SHB: variants seen among roughly 807,000 people sequenced by gnomAD.
SHB encodes SH2 domain-containing adapter protein B.
In SHB, 20 loss-of-function variants were observed where a neutral mutation model predicts 52.3. The ratio of observed to expected loss-of-function variants is 0.38; its 90% CI spans 0.27 to 0.56. The LOEUF is 0.56. SHB is among the 20% of genes least tolerant of loss of function. The pLI is 0.71. For synonymous variants in SHB, 397 were observed against 316.5 expected (o/e 1.25, Z -2.70); for missense variants, 825 against 723.3 (o/e 1.14, Z -1.61).
intron 1 of SHB, among the ~76,000 whole-genome samples, chr9:38,057,683 C>T (rs745888591): frequency 1.3e-5 from 2 of 152,212 alleles, no homozygotes; most frequent in African/African-American, 2.4e-5. Context: ...GAGTGCACAT[C>T]CAACAAGATG....
intron 2 of SHB, among the ~76,000 whole-genome samples, chr9:37,994,889 C>T (rs1430959485): frequency 6.6e-6 from 1 of 152,044 alleles, no homozygotes; most frequent in African/African-American, 2.4e-5. Flanking sequence ...TTACATTCAC[C>T]CCTAAAAGGA....
intron 1 of SHB, among the ~76,000 whole-genome samples, chr9:38,026,356 A>C (rs1821344309): frequency 6.6e-6 from 1 of 152,268 alleles, no homozygotes. Flanking sequence ...GGGCCAGCAC[A>C]GTGCCTTTTA....
intron 2 of SHB, among the ~76,000 whole-genome samples, chr9:37,994,434 C>T (rs1181198964): frequency 1.3e-5 from 2 of 152,192 alleles, no homozygotes; most frequent in East Asian, 1.9e-4. Context: ...ATTCCACATA[C>T]GAAATACACT....
chr9:37,951,625 C>T (rs923558046), intron 4 of SHB, among the ~76,000 whole-genome samples: 2 of 152,236 alleles, frequency 1.3e-5, no homozygotes, highest in African/African-American at 4.8e-5. Context: ...GGAAGTGCTG[C>T]CTGCCATCCA....
At chr9:38,065,907 T>C (rs1018699992) in intron 1 of SHB, among the ~76,000 whole-genome samples, 10 of 151,934 alleles carry the variant, frequency 6.6e-5, no homozygotes, top group Non-Finnish European at 1.3e-4. Flanking sequence ...TGACCACCCC[T>C]CCCTCACAAT....
At chr9:38,000,500 T>C (rs534560803) in intron 2 of SHB, among the ~76,000 whole-genome samples, 1 of 152,270 alleles carries the variant, frequency 6.6e-6, no homozygotes, top group African/African-American at 2.4e-5. Context: ...CTTGACCCAA[T>C]GTGGTGAGCA....
chr9:38,043,231 C>T (rs1821604004), intron 1 of SHB, among the ~76,000 whole-genome samples: 1 of 152,210 alleles, frequency 6.6e-6, no homozygotes, highest in South Asian at 2.1e-4. Flanking sequence ...TGCTCTGCCC[C>T]CAGCTTCTCT....
rs1832524458 is a variant in SHB, at chr9:37,948,767, C to T, written c.1227-13G>A. On this transcript the variant is annotated splice_polypyrimidine_tract_variant and intron_variant, in intron 4 of 5. Transcript: ENST00000377707. ...TCCGTGATACCATCTGTGGAGAGGGCAGAGAGTGGTCAGAGCCCAGCGCGA... is the reference window on the plus strand; with the variant it reads ...TCCGTGATACCATCTGTGGAGAGGGTAGAGAGTGGTCAGAGCCCAGCGCGA... 1.2e-6 allele frequency: 2 copies of T among 1,613,444 alleles called. No homozygotes were observed. Among genetic ancestry groups the T allele is most frequent in the East Asian group, 2.2e-5 (1 of 44,868 alleles).
At chr9:37,965,238 A>G (rs1832736387) in intron 3 of SHB, among the ~76,000 whole-genome samples, 1 of 152,226 alleles carries the variant, frequency 6.6e-6, no homozygotes, top group Non-Finnish European at 1.5e-5. Context: ...GGTACTGGCC[A>G]CAAATATGGC....
chr9:37,988,707 G>A (rs535831668), intron 2 of SHB, among the ~76,000 whole-genome samples: 1 of 152,310 alleles, frequency 6.6e-6, no homozygotes, highest in Admixed American at 6.5e-5. Flanking sequence ...TATTCTGAGT[G>A]TTTCTGGATG....
At chr9:37,949,919 G>A (rs970128825) in intron 4 of SHB, among the ~76,000 whole-genome samples, 4 of 152,192 alleles carry the variant, frequency 2.6e-5, no homozygotes, top group African/African-American at 7.2e-5. Context: ...CCCATCAGAG[G>A]AGGAAATGGG....
chr9:37,988,263 C>T (rs1309349388), intron 2 of SHB, among the ~76,000 whole-genome samples: 1 of 152,150 alleles, frequency 6.6e-6, no homozygotes, highest in Non-Finnish European at 1.5e-5. Context: ...CCTGGCTCCC[C>T]GCTCACCAGC....
chr9:37,953,927 A>G (rs183749241), intron 4 of SHB, among the ~76,000 whole-genome samples: 230 of 152,218 alleles, frequency 1.5e-3, no homozygotes, highest in African/African-American at 5.5e-3. Context: ...ATGCCTCTGG[A>G]CTTGGCTGGG....
chr9:38,061,575 AG>A (rs1821892793), intron 1 of SHB, among the ~76,000 whole-genome samples: 1 of 152,242 alleles, frequency 6.6e-6, no homozygotes, highest in African/African-American at 2.4e-5. Flanking sequence ...ACTGATCAGA[AG>A]AAACCACAGC....
intron 2 of SHB, among the ~76,000 whole-genome samples, chr9:37,989,097 T>A (rs1033988714): frequency 1.3e-5 from 2 of 151,484 alleles, no homozygotes; most frequent in East Asian, 1.9e-4. Context: ...ACACTCTCTC[T>A]CACACACACA....
rs538940001 is a variant in SHB, at chr9:37,974,712, C to T, written c.964G>A (p.Glu322Lys). 1.2e-5 allele frequency: 19 copies of T among 1,613,998 alleles called. No individual in the cohort carries two copies. The highest frequency in any genetic ancestry group is 1.6e-5 in the Non-Finnish European group (19 of 1,180,026). Residue 322 changes from glutamate (E) to lysine (K), a missense_variant, in exon 3 of 6, where the codon GAG becomes AAG. Glu to Lys is a moderately conservative substitution (Grantham distance 56). Transcript: ENST00000377707. The stretch of plus-strand genomic sequence containing the variant: ...TCGTCATCCTGGGGCAGCTTGCTCT[C>T]CCGCAGTCGGGGGCTGACTGTGCTC... ...SESTVSPRLRESKLPQDDDRP... is the reference protein window; with the variant it reads ...SESTVSPRLRKSKLPQDDDRP...
chr9:38,068,309 C>G lies in SHB; in HGVS notation c.337G>C (p.Asp113His). 3 of 1,516,804 alleles carry G rather than the reference C, an allele frequency of 2.0e-6. No homozygotes were observed. The highest frequency in any genetic ancestry group is 2.6e-6 in the Non-Finnish European group (3 of 1,137,842). The allele number at this position is 1,516,804 out of a possible 1,614,324, so 94.0% of individuals were successfully genotyped here. ...LRKLRAMCRL[D>H]YCGGSGEPGG... Reference sequence around the variant, plus strand: ...GGCTCCCCGCTGCCGCCGCAGTAGTCCAGGCGGCACATGGCGCGCAGTTTG... The same window carrying G: ...GGCTCCCCGCTGCCGCCGCAGTAGTGCAGGCGGCACATGGCGCGCAGTTTG... Residue 113 changes from aspartate to histidine, a missense_variant, in exon 1 of 6, where the codon GAC (aspartate) becomes CAC (histidine). Asp to His is a moderately conservative substitution (Grantham distance 81). Transcript: ENST00000377707.
intron 1 of SHB, among the ~76,000 whole-genome samples, chr9:38,057,075 G>C (rs1821830959): frequency 6.6e-6 from 1 of 152,202 alleles, no homozygotes; most frequent in African/African-American, 2.4e-5. Context: ...ACAATTCTCA[G>C]AATCAACCCC....
At chr9:38,018,506 G>GAA (rs56253637) in intron 1 of SHB, among the ~76,000 whole-genome samples, 238 of 140,368 alleles carry the variant, frequency 1.7e-3, no homozygotes, top group South Asian at 6.6e-3. Flanking sequence ...TCCTTCCATT[G>GAA]AAAAAAAAAA....
Sources: gnomAD v4.1 joint callset for allele counts (sites outside exome capture counted in the v4.1 genomes callset) on GRCh38, gnomAD v4.1.1 for gene constraint, MANE v1.5 for transcripts, NCBI Gene and HGNC (gene_info 2026-07-23, HGNC 2026-07-21) for gene names.